Variants in WLS observed in about 807,000 individuals in gnomAD.
WLS encodes protein wntless homolog.
In WLS, 23 loss-of-function variants were observed where a neutral mutation model predicts 62.8. The ratio of observed to expected loss-of-function variants is 0.37; its 90% confidence interval spans 0.26 to 0.52. The LOEUF is 0.52. WLS is among the 20% of genes least tolerant of loss of function. WLS has a pLI of 0.92. For missense variants in WLS, 615 were observed against 697.3 expected (o/e 0.88, Z 1.33); for synonymous variants, 246 against 244.1 (o/e 1.01, Z -0.07).
At chr1:68,229,172 C>T (rs1304094445) in intron 1 of WLS, among the ~76,000 whole-genome samples, 1 of 152,144 alleles carries the variant, frequency 6.6e-6, no homozygotes, top group African/African-American at 2.4e-5. Context: ...CTTGCCTGGT[C>T]ACTCTGGGGT....
intron 11 of WLS, among the ~76,000 whole-genome samples, chr1:68,111,188 T>C (rs559430391): frequency 6.6e-6 from 1 of 152,318 alleles, no homozygotes; most frequent in East Asian, 1.9e-4. Context: ...AGTATTTTTG[T>C]TATAGTAGCC....
rs570724708 is a variant in WLS at position 68,194,011 on chromosome 1, T to C, written c.323A>G (p.Gln108Arg). 6.2e-6 allele frequency: 10 copies of C among 1,614,166 alleles called. No individual in the cohort carries two copies. The South Asian group carries it at 1.1e-4, about 18-fold the overall frequency. ...LPHMEMSPWFQFMLFILQLDI... is the reference protein window; with the variant it reads ...LPHMEMSPWFRFMLFILQLDI... Reference sequence around the variant, plus strand: ...CAGCTGCAGGATAAACAGCATGAATTGGAACCAAGGACTCATCTCCATGTG... The same window carrying C: ...CAGCTGCAGGATAAACAGCATGAATCGGAACCAAGGACTCATCTCCATGTG... Residue 108 changes from glutamine to arginine, a missense_variant, in exon 2 of 12, where the codon CAA (glutamine) becomes CGA (arginine). Gln to Arg is a conservative substitution (Grantham distance 43). Transcript: ENST00000262348.
intron 1 of WLS, among the ~76,000 whole-genome samples, chr1:68,200,567 C>CT (rs35756608): frequency 0.1 from 13,580 of 135,742 alleles, 963 homozygotes; most frequent in East Asian, 0.3. Flanking sequence ...CCAGCTATTG[C>CT]TTTTTTTTTT....
intron 2 of WLS, chr1:68,183,426 C>A: frequency 2.9e-6 from 1 of 346,320 alleles, no homozygotes; most frequent in Middle Eastern, 4.3e-4. Context: ...TCCATCATAG[C>A]AGGGATAGTT....
intron 1 of WLS, among the ~76,000 whole-genome samples, chr1:68,200,281 C>T (rs1235736132): frequency 6.6e-6 from 1 of 152,102 alleles, no homozygotes; most frequent in Non-Finnish European, 1.5e-5. Context: ...TGATTTAACA[C>T]CTGAAAACTA....
At chr1:68,226,401 G>A (rs1273112676) in intron 1 of WLS, among the ~76,000 whole-genome samples, 3 of 152,050 alleles carry the variant, frequency 2.0e-5, no homozygotes, top group Non-Finnish European at 2.9e-5. Flanking sequence ...AATTTGCCAA[G>A]GTTTTGTACA....
chr1:68,111,508 G>C (rs1178475948), intron 11 of WLS, among the ~76,000 whole-genome samples: 1 of 152,208 alleles, frequency 6.6e-6, no homozygotes, highest in African/African-American at 2.4e-5. Context: ...TTTAAACACG[G>C]AGGAGGGATT....
At chr1:68,127,234 G>A (rs969162680) in intron 11 of WLS, 12 of 214,818 alleles carry the variant, frequency 5.6e-5, no homozygotes, top group African/African-American at 1.9e-4. Context: ...TCTATGTCAC[G>A]TGAAAGCAAA....
chr1:68,197,460 C>T (rs919540), intron 1 of WLS, among the ~76,000 whole-genome samples: 51,976 of 151,956 alleles, frequency 0.34, 9,119 homozygotes, highest in Middle Eastern at 0.43. Context: ...CTCAAAAATG[C>T]TTTCCATAAC....
intron 7 of WLS, 23 bp downstream of exon 7, chr1:68,148,540 G>T: frequency 6.2e-7 from 1 of 1,611,454 alleles, no homozygotes. Context: ...GTTTGGCTCA[G>T]TGTCCCACAA....
chr1:68,117,183 C>T (rs1349753779), intron 11 of WLS, among the ~76,000 whole-genome samples: 1 of 152,194 alleles, frequency 6.6e-6, no homozygotes, highest in Non-Finnish European at 1.5e-5. Flanking sequence ...ATACTGTACA[C>T]ACTCCCAAAC....
Position 68,137,802 on chromosome 1 carries a change from GT to G in WLS, c.1493del (p.Asn498ThrfsTer37). 6.2e-7 allele frequency: 1 copy of G among 1,613,824 alleles called. No homozygotes were observed. Among genetic ancestry groups the G allele is most frequent in the Non-Finnish European group, 8.5e-7 (1 of 1,179,808 alleles). On this transcript the variant is annotated frameshift_variant, in exon 11 of 12. Transcript: ENST00000262348. LOFTEE classifies it high-confidence loss of function. ...CACCATTGGACTGGTCTTCTCCATA[GT>G]TTTTATGGGATGGTGCATACAAGAA... ...LMFLYAPSHK[N>X]YGEDQSNGDL...
At chr1:68,133,126 A>G (rs1201076223) in intron 11 of WLS, among the ~76,000 whole-genome samples, 1 of 152,200 alleles carries the variant, frequency 6.6e-6, no homozygotes, top group Non-Finnish European at 1.5e-5. Flanking sequence ...GGTAACTAAA[A>G]TATCTTTGCT....
chr1:68,163,773 G>C (rs1015456890), intron 2 of WLS, among the ~76,000 whole-genome samples: 28 of 152,172 alleles, frequency 1.8e-4, no homozygotes, highest in Non-Finnish European at 3.8e-4. Context: ...ACCTGAGTTT[G>C]CTCCATACCC....
In WLS at chr1:68,125,805, T is replaced by G. The variant is rs1646421114; in HGVS notation, c.*421A>C. 9.0e-6 allele frequency: 9 copies of G among 1,002,434 alleles called. No individual in the cohort carries two copies. Among genetic ancestry groups the G allele is most frequent in the Non-Finnish European group, 1.1e-5 (9 of 840,222 alleles). 62.1% of individuals were successfully genotyped at this position (1,002,434 alleles called of 1,614,324 possible). A position where few individuals can be genotyped will look rare whatever the true frequency, so the allele number is the denominator to read the frequency against. ...ACTATGACACCAGCCTACCTTGGACTGGGACCGCAAAGGATGTTAAAATCT... is the reference window on the plus strand; with the variant it reads ...ACTATGACACCAGCCTACCTTGGACGGGGACCGCAAAGGATGTTAAAATCT... On this transcript the variant is annotated 3_prime_UTR_variant, in exon 12 of 12. Transcript: ENST00000262348.
At chr1:68,210,775 C>T (rs1557522508) in intron 1 of WLS, among the ~76,000 whole-genome samples, 2 of 152,200 alleles carry the variant, frequency 1.3e-5, no homozygotes, top group Non-Finnish European at 2.9e-5. Context: ...AAACTACAAT[C>T]TCACCTGGGA....
At chr1:68,213,975 G>C (rs1431803825) in intron 1 of WLS, among the ~76,000 whole-genome samples, 1 of 152,102 alleles carries the variant, frequency 6.6e-6, no homozygotes, top group Non-Finnish European at 1.5e-5. Flanking sequence ...TGCTCGGCTT[G>C]GGCAGTCATT....
At chr1:68,129,623 G>T (rs1646488812) in intron 11 of WLS, among the ~76,000 whole-genome samples, 1 of 152,130 alleles carries the variant, frequency 6.6e-6, no homozygotes, top group Admixed American at 6.5e-5. Context: ...TACCTTGAAG[G>T]CCAACTGTTC....
chr1:68,131,779 T>TGCCC (rs1646529696), intron 11 of WLS, among the ~76,000 whole-genome samples: 3 of 152,004 alleles, frequency 2.0e-5, no homozygotes, highest in Non-Finnish European at 4.4e-5. Flanking sequence ...AAAGAAGTAA[T>TGCCC]TAAGTTAACA....
Sources: allele counts gnomAD v4.1 joint callset (sites outside exome capture counted in the v4.1 genomes callset), GRCh38; gene constraint gnomAD v4.1.1; transcripts MANE v1.5; gene names NCBI Gene and HGNC (gene_info 2026-07-23, HGNC 2026-07-21).